Variants in GMDS observed in about 807,000 individuals in gnomAD.
GMDS encodes GDP-mannose 4,6 dehydratase.
In GMDS, 20 loss-of-function variants were observed where a neutral mutation model predicts 49.9. The observed-to-expected ratio is 0.40, with a 90% CI of 0.28 to 0.58. The LOEUF (loss-of-function observed/expected upper bound fraction) is 0.58, where lower values mean the gene tolerates loss of function less well. Ranked by LOEUF, GMDS falls within the 20% of genes least tolerant of loss-of-function variation. The pLI is 0.42. For missense variants in GMDS, 362 were observed against 481.4 expected (o/e 0.75, Z 2.32); for synonymous variants, 177 against 178.6 (o/e 0.99, Z 0.07).
intron 1 of GMDS, among the ~76,000 whole-genome samples, chr6:2,132,189 T>C (rs1409215725): frequency 6.6e-6 from 1 of 152,184 alleles, no homozygotes; most frequent in Non-Finnish European, 1.5e-5. Context: ...TGTAATACAT[T>C]ATTTATATGG....
intron 1 of GMDS, among the ~76,000 whole-genome samples, chr6:2,188,704 G>A (rs547742373): frequency 6.6e-6 from 1 of 152,288 alleles, no homozygotes; most frequent in Non-Finnish European, 1.5e-5. Context: ...ATAACTGACT[G>A]ATTATAACAT....
intron 8 of GMDS, among the ~76,000 whole-genome samples, chr6:1,738,226 C>A (rs1179406624): frequency 6.6e-6 from 1 of 152,056 alleles, no homozygotes; most frequent in African/African-American, 2.4e-5. Flanking sequence ...CAGATGCTAT[C>A]AAAAGAAAGC....
chr6:1,975,809 A>G (rs1232970071), intron 4 of GMDS, among the ~76,000 whole-genome samples: 2 of 152,198 alleles, frequency 1.3e-5, no homozygotes, highest in Admixed American at 1.3e-4. Context: ...GAATATCCTC[A>G]GTTTCCTAAA....
At chr6:1,750,619 C>A (rs1015081174) in intron 7 of GMDS, among the ~76,000 whole-genome samples, 4 of 152,164 alleles carry the variant, frequency 2.6e-5, no homozygotes, top group African/African-American at 9.7e-5. Context: ...GTGCCTATAC[C>A]ACCAGGGCCC....
At chr6:1,673,948 T>C (rs1295006857) in intron 9 of GMDS, among the ~76,000 whole-genome samples, 1 of 87,196 alleles carries the variant, frequency 1.1e-5, no homozygotes, top group Non-Finnish European at 2.9e-5. Context: ...GATGTCTTGC[T>C]TGCTTCCAGT....
intron 4 of GMDS, among the ~76,000 whole-genome samples, chr6:1,994,872 A>G (rs760574991): frequency 7.9e-5 from 12 of 152,186 alleles, no homozygotes; most frequent in Non-Finnish European, 1.5e-4. Flanking sequence ...GTCATATGGA[A>G]ATCACTAAAG....
intron 9 of GMDS, among the ~76,000 whole-genome samples, chr6:1,686,996 C>T (rs112615947): frequency 2.8e-4 from 42 of 152,216 alleles, no homozygotes; most frequent in African/African-American, 9.6e-4. Context: ...TTCCTGCATC[C>T]CAAATAATAT....
chr6:1,885,539 A>G (rs1759559470), intron 7 of GMDS, among the ~76,000 whole-genome samples: 1 of 152,210 alleles, frequency 6.6e-6, no homozygotes, highest in South Asian at 2.1e-4. Flanking sequence ...AAGTGTTTTC[A>G]TAGTGCTAAG....
At chr6:1,794,980 A>T (rs1268961346) in intron 7 of GMDS, among the ~76,000 whole-genome samples, 1 of 152,134 alleles carries the variant, frequency 6.6e-6, no homozygotes, top group Non-Finnish European at 1.5e-5. Flanking sequence ...ACTTGAGCCC[A>T]GGAGTTTGAG....
chr6:1,683,130 T>G (rs1337574351), intron 9 of GMDS, among the ~76,000 whole-genome samples: 1 of 152,142 alleles, frequency 6.6e-6, no homozygotes, highest in Non-Finnish European at 1.5e-5. Flanking sequence ...AGGTTTCTTT[T>G]GTTTGTTTTT....
chr6:1,736,502 C>T (rs1375140706), intron 8 of GMDS, among the ~76,000 whole-genome samples: 1 of 152,176 alleles, frequency 6.6e-6, no homozygotes, highest in Admixed American at 6.5e-5. Context: ...GGACTCTACG[C>T]AGGTTTTCTC....
At chr6:1,745,313 C>T (rs1185326096) in intron 7 of GMDS, among the ~76,000 whole-genome samples, 2 of 150,314 alleles carry the variant, frequency 1.3e-5, no homozygotes, top group Non-Finnish European at 3.0e-5. Flanking sequence ...AGAAACTTGA[C>T]TGTTGGCTAC....
chr6:1,833,444 G>A lies in GMDS; in HGVS notation c.772-90858C>T, dbSNP rs9503027. On this transcript the variant is annotated intron_variant, in intron 7 of 10. Transcript: ENST00000380815. This position sits in a 1 kb window ranked among gnomAD's most constrained non-coding sequence, Gnocchi z 4.4. ...CATGGCACAATGAGGGGAGGAGGAC[G>A]CTGTAATAAAAACTTTATAAGGTGA... is the stretch of plus-strand genomic sequence containing the variant. Among the ~76,000 whole-genome samples the A allele has an allele frequency of 0.077, 11,685 of 151,982 alleles. 1,492 individuals are homozygous for A. The highest frequency in any genetic ancestry group is 0.27 in the African/African-American group (10,974 of 41,408).
chr6:2,230,961 C>T (rs138171128), intron 1 of GMDS, among the ~76,000 whole-genome samples: 1,396 of 121,800 alleles, frequency 0.011, 37 homozygotes, highest in African/African-American at 0.039. Flanking sequence ...CCCGTTCCTT[C>T]CCCTAATACC....
chr6:1,819,776 A>ATATATATATAT (rs1554123178), intron 7 of GMDS, among the ~76,000 whole-genome samples: 1 of 103,548 alleles, frequency 9.7e-6, no homozygotes, highest in African/African-American at 3.6e-5. Context: ...AAAAAAAAAA[A>ATATATATATAT]ATATATATAT....
intron 1 of GMDS, among the ~76,000 whole-genome samples, chr6:2,241,697 C>T (rs1050631650): frequency 1.3e-5 from 2 of 152,224 alleles, no homozygotes; most frequent in African/African-American, 4.8e-5. Flanking sequence ...CATGTAATCT[C>T]TGCATACACT....
chr6:1,785,891 T>C (rs1337307673), intron 7 of GMDS, among the ~76,000 whole-genome samples: 1 of 152,226 alleles, frequency 6.6e-6, no homozygotes, highest in Non-Finnish European at 1.5e-5. Context: ...AGGGATGACA[T>C]TTCCTTTGTG....
chr6:2,116,832 A>G (rs920475744), intron 3 of GMDS, among the ~76,000 whole-genome samples: 1 of 152,190 alleles, frequency 6.6e-6, no homozygotes. Context: ...GCAACCTCAG[A>G]AAACTCATAA....
intron 9 of GMDS, among the ~76,000 whole-genome samples, chr6:1,702,003 G>A (rs958232873): frequency 2.0e-5 from 3 of 152,196 alleles, no homozygotes; most frequent in Non-Finnish European, 2.9e-5. Context: ...TTTTTGCGAT[G>A]GGGGTGTGAG....
Sources: allele counts gnomAD v4.1 joint callset (sites outside exome capture counted in the v4.1 genomes callset), GRCh38; gene constraint gnomAD v4.1.1; non-coding constraint Gnocchi (gnomAD v3.1); transcripts MANE v1.5; gene names NCBI Gene and HGNC (gene_info 2026-07-23, HGNC 2026-07-21).